Variants in NAV3 observed in about 807,000 individuals in gnomAD.
NAV3 encodes neuron navigator 3.
NAV3 carries 87 observed loss-of-function variants against 244.7 expected under a neutral mutation model. The ratio of observed to expected loss-of-function variants is 0.36; its 90% CI spans 0.30 to 0.42. The LOEUF (loss-of-function observed/expected upper bound fraction) is 0.42, where lower values mean the gene tolerates loss of function less well. NAV3 is among the 20% of genes least tolerant of loss of function. The probability of loss-of-function intolerance (pLI) is 1.00; values close to 1 mark genes in which losing one functional copy is unlikely to be tolerated. For synonymous variants in NAV3, 1,126 were observed against 1,042.2 expected (o/e 1.08, Z -1.55); for missense variants, 2,663 against 2,893.3 (o/e 0.92, Z 1.83).
At chr12:78,195,857 C>T (rs1271908310) in intron 34 of NAV3, among the ~76,000 whole-genome samples, 1 of 151,966 alleles carries the variant, frequency 6.6e-6, no homozygotes, top group African/African-American at 2.4e-5. Context: ...ATTCCAGTCC[C>T]TAATGTGACA....
At chr12:78,036,641 G>A (rs574729880) in intron 9 of NAV3, 2 of 424,510 alleles carry the variant, frequency 4.7e-6, no homozygotes, top group African/African-American at 2.0e-5. Flanking sequence ...AGATATATTC[G>A]AGCAAAATAT....
At chr12:77,617,270 CTGGTG>C (rs1313033569) in intron 2 of NAV3, among the ~76,000 whole-genome samples, 1 of 152,166 alleles carries the variant, frequency 6.6e-6, no homozygotes, top group African/African-American at 2.4e-5. Context: ...TCCCCACCAT[CTGGTG>C]TTCTTGCCTT....
intron 2 of NAV3, among the ~76,000 whole-genome samples, chr12:77,607,625 A>G (rs1319829325): frequency 6.6e-6 from 1 of 152,210 alleles, no homozygotes; most frequent in East Asian, 1.9e-4. Context: ...CTGATTGTGT[A>G]TAAAACTCAA....
chr12:77,750,941 C>T (rs755616033), intron 2 of NAV3, among the ~76,000 whole-genome samples: 7 of 152,206 alleles, frequency 4.6e-5, no homozygotes, highest in African/African-American at 9.7e-5. Flanking sequence ...GAGGGTGCCT[C>T]TGGCTACAAG....
At chr12:77,985,497 C>T (rs910713406) in intron 5 of NAV3, among the ~76,000 whole-genome samples, 2 of 151,902 alleles carry the variant, frequency 1.3e-5, no homozygotes, top group Non-Finnish European at 2.9e-5. Flanking sequence ...TGGCTCTTCA[C>T]TGTCAATACT....
intron 3 of NAV3, among the ~76,000 whole-genome samples, chr12:77,949,562 A>T (rs191647325): frequency 6.6e-6 from 1 of 151,922 alleles, no homozygotes; most frequent in Non-Finnish European, 1.5e-5. Context: ...AGCAAATTTA[A>T]GTTCACAGCA....
intron 1 of NAV3, among the ~76,000 whole-genome samples, chr12:77,937,265 T>C (rs975165152): frequency 2.0e-5 from 3 of 152,160 alleles, no homozygotes; most frequent in African/African-American, 4.8e-5. Flanking sequence ...TCAAAGCCCT[T>C]AAGCTTGGGA....
intron 2 of NAV3, among the ~76,000 whole-genome samples, chr12:77,811,211 A>G (rs147919961): frequency 1.3e-5 from 2 of 152,220 alleles, no homozygotes; most frequent in Non-Finnish European, 2.9e-5. Flanking sequence ...TTGTATGTGA[A>G]TATCTACTCA....
intron 5 of NAV3, among the ~76,000 whole-genome samples, chr12:77,974,233 A>G (rs12367101): frequency 0.12 from 17,629 of 151,950 alleles, 1,212 homozygotes; most frequent in South Asian, 0.15. Context: ...AAAAATTTAA[A>G]TATATGTAAT....
In NAV3 at chr12:78,035,771, AC is replaced by A. The variant is rs1253230685; in HGVS notation, c.2023+13910del. Among the ~76,000 whole-genome samples, 4 of 152,168 alleles carry A rather than the reference AC, an allele frequency of 2.6e-5. No individual in the cohort carries two copies. In the East Asian group the frequency reaches 7.7e-4, roughly 29 times the overall value. On this transcript the variant is annotated intron_variant, in intron 9 of 39. Coordinates refer to ENST00000397909, the MANE Select transcript of NAV3 (RefSeq NM_001024383.2). ...AAGGCTGTAAGAAATCTTTATCATC[AC>A]ATTAGGATTTTAGGATTCAAAATAA...
chr12:77,755,444 CTTTTCTTTTCTT>C (rs1448183401), intron 2 of NAV3, among the ~76,000 whole-genome samples: 1 of 151,896 alleles, frequency 6.6e-6, no homozygotes, highest in African/African-American at 2.4e-5. Flanking sequence ...ATCTTCTTTT[CTTTTCTTTTCTT>C]TTTTCTTTTC....
intron 2 of NAV3, among the ~76,000 whole-genome samples, chr12:77,788,618 T>C (rs992783923): frequency 6.6e-6 from 1 of 152,016 alleles, no homozygotes; most frequent in African/African-American, 2.4e-5. Flanking sequence ...CTTTTTTTTT[T>C]TTTTCTAAAA....
chr12:77,641,012 T>G (rs1872386445), intron 2 of NAV3, among the ~76,000 whole-genome samples: 1 of 152,136 alleles, frequency 6.6e-6, no homozygotes, highest in South Asian at 2.1e-4. Flanking sequence ...AGACTTTACA[T>G]AGCAAGCAGC....
At chr12:78,177,035 A>C (rs1385706892) in intron 26 of NAV3, 106 bp from the exon 27 acceptor site, 2 of 1,068,616 alleles carry the variant, frequency 1.9e-6, no homozygotes, top group Non-Finnish European at 2.8e-6. Context: ...GCTTGTACAT[A>C]CTGACCCCAG....
At position 78,102,370 on chromosome 12, in the gene NAV3, G is replaced by A. The variant is rs116982730; in HGVS notation, c.2637-14402G>A. Among the ~76,000 whole-genome samples, 308 of 152,356 alleles carry A rather than the reference G, an allele frequency of 2.0e-3. 7 individuals are homozygous for A. The East Asian group carries it at 0.051, about 25-fold the overall frequency. On this transcript the variant is annotated intron_variant, in intron 12 of 39. Coordinates refer to ENST00000397909, the MANE Select transcript of NAV3 (RefSeq NM_001024383.2). ...TCACATCCAGGACATGCTGATGCAA[G>A]AGATAGGTTCCCATAATCTTTGGCA...
Position 77,980,751 on chromosome 12 carries a change from C to T in NAV3, c.671+12049C>T, listed in dbSNP as rs567907925. Among the ~76,000 whole-genome samples, 11 of 152,196 alleles carry T rather than the reference C, an allele frequency of 7.2e-5. No individual in the cohort carries two copies. The East Asian group carries it at 1.5e-3, about 21-fold the overall frequency. On this transcript the variant is annotated intron_variant, in intron 5 of 39. Coordinates refer to ENST00000397909, the MANE Select transcript of NAV3 (RefSeq NM_001024383.2). Reference sequence around the variant, plus strand: ...CAGCATTGTAGCGTAGTACTTTGAGCTATGTGTAAGTAACAGCATTGTGGA... The same window carrying T: ...CAGCATTGTAGCGTAGTACTTTGAGTTATGTGTAAGTAACAGCATTGTGGA...
intron 1 of NAV3, among the ~76,000 whole-genome samples, chr12:77,845,732 C>A (rs1876516331): frequency 6.7e-6 from 1 of 150,350 alleles, no homozygotes; most frequent in South Asian, 2.1e-4. Flanking sequence ...TGGCTCCCTG[C>A]AACATCCGCC....
chr12:78,098,315 A>G (rs1400603721), intron 12 of NAV3, among the ~76,000 whole-genome samples: 1 of 152,026 alleles, frequency 6.6e-6, no homozygotes, highest in Non-Finnish European at 1.5e-5. Flanking sequence ...TTTAAGTTGT[A>G]GGCTGTCTTT....
chr12:77,954,949 C>T (rs899926774), intron 3 of NAV3, among the ~76,000 whole-genome samples: 2 of 152,040 alleles, frequency 1.3e-5, no homozygotes, highest in African/African-American at 2.4e-5. Flanking sequence ...TTAAAGCACA[C>T]GTTTAGATCT....
Sources: gnomAD v4.1 joint callset for allele counts (sites outside exome capture counted in the v4.1 genomes callset) on GRCh38, gnomAD v4.1.1 for gene constraint, MANE v1.5 for transcripts, NCBI Gene and HGNC (gene_info 2026-07-23, HGNC 2026-07-21) for gene names.